MCU: variants seen among roughly 807,000 people sequenced by gnomAD.
The protein encoded by MCU is calcium uniporter protein, mitochondrial.
Under a neutral mutation model 45.2 loss-of-function variants are expected in MCU, and 12 were observed. The observed-to-expected ratio is 0.27, with a 90% confidence interval of 0.17 to 0.43. The LOEUF (loss-of-function observed/expected upper bound fraction) is 0.43. Among genes scored for constraint, MCU ranks in the 20% least tolerant of loss-of-function variants. MCU has a pLI of 1.00. For missense variants in MCU, 324 were observed against 436.7 expected (o/e 0.74, Z 2.30); for synonymous variants, 160 against 165.1 (o/e 0.97, Z 0.24).
At chr10:72,749,912 G>A (rs575457680) in intron 1 of MCU, among the ~76,000 whole-genome samples, 10 of 151,524 alleles carry the variant, frequency 6.6e-5, no homozygotes, top group East Asian at 1.9e-4. Flanking sequence ...GACTACAGGC[G>A]TGTGCTACCA....
chr10:72,872,160 C>T (rs1845551561), intron 6 of MCU, among the ~76,000 whole-genome samples: 1 of 152,008 alleles, frequency 6.6e-6, no homozygotes, highest in Non-Finnish European at 1.5e-5. Context: ...AATAATTGTA[C>T]ATATTTTGAG....
chr10:72,804,017 AATAT>A (rs35518652), intron 1 of MCU, among the ~76,000 whole-genome samples: 217 of 34,678 alleles, frequency 6.3e-3, no homozygotes, highest in Non-Finnish European at 9.1e-3. Context: ...AATGTAAGTA[AATAT>A]ATATATATAT....
Position 72,859,158 on chromosome 10 carries a change from G to T in MCU, c.221-19G>T. 2 of 1,553,394 alleles carry T rather than the reference G, an allele frequency of 1.3e-6. No homozygotes were observed. The highest frequency in any genetic ancestry group is 1.7e-6 in the Non-Finnish European group (2 of 1,148,674). On this transcript the variant is annotated intron_variant, in intron 2 of 7. Coordinates refer to ENST00000373053, the MANE Select transcript of MCU (RefSeq NM_138357.3). The stretch of plus-strand genomic sequence containing the variant: ...ATTGAAATCCAATTATCATATGTTT[G>T]TGGGTCTTTTTCATTCAGATGTTAC...
intron 4 of MCU, 152 bp from the exon 5 acceptor site, chr10:72,868,551 C>CAA (rs77707370): frequency 6.1e-3 from 2,963 of 485,876 alleles, no homozygotes; most frequent in Non-Finnish European, 6.5e-3. Context: ...GACTTTGTCT[C>CAA]AAAAAAAAAA....
At chr10:72,729,791 C>T (rs113706194) in intron 1 of MCU, among the ~76,000 whole-genome samples, 2,861 of 152,170 alleles carry the variant, frequency 0.019, 83 homozygotes, top group African/African-American at 0.065. Flanking sequence ...GAGGCTCTCT[C>T]GTGCATTGTA....
At chr10:72,881,076 G>A (rs936441812) in intron 6 of MCU, among the ~76,000 whole-genome samples, 6 of 152,104 alleles carry the variant, frequency 3.9e-5, no homozygotes, top group Admixed American at 2.6e-4. Context: ...GCTGCATTGA[G>A]CTATGGTCAC....
chr10:72,783,193 A>G (rs1411930255), intron 1 of MCU, among the ~76,000 whole-genome samples: 2 of 152,190 alleles, frequency 1.3e-5, no homozygotes, highest in Non-Finnish European at 2.9e-5. Context: ...AGACTTTTCA[A>G]ATTAGATTTT....
chr10:72,871,680 G>C (rs1845545189), intron 6 of MCU, 100 bp downstream of exon 6: 1 of 972,016 alleles, frequency 1.0e-6, no homozygotes, highest in Admixed American at 2.0e-5. Flanking sequence ...TTTTCTTTAA[G>C]TACTCATCCT....
chr10:72,701,020 T>A (rs535538549), intron 1 of MCU, among the ~76,000 whole-genome samples: 18 of 152,322 alleles, frequency 1.2e-4, no homozygotes, highest in Non-Finnish European at 2.4e-4. Flanking sequence ...TCATTTAAAC[T>A]TCTTTTTTGT....
intron 1 of MCU, among the ~76,000 whole-genome samples, chr10:72,772,708 A>G (rs986830271): frequency 1.3e-5 from 2 of 152,198 alleles, no homozygotes; most frequent in African/African-American, 4.8e-5. Flanking sequence ...TCAAAACAAA[A>G]CAAAATCAAA....
chr10:72,868,895 A>G (rs1845499034), intron 5 of MCU, 32 bp downstream of exon 5: 1 of 1,603,896 alleles, frequency 6.2e-7, no homozygotes, highest in Non-Finnish European at 8.5e-7. Context: ...TTTTTACCTT[A>G]ACCTGTATTT....
At chr10:72,712,656 A>G (rs1479076692) in intron 1 of MCU, among the ~76,000 whole-genome samples, 1 of 152,230 alleles carries the variant, frequency 6.6e-6, no homozygotes, top group Non-Finnish European at 1.5e-5. Flanking sequence ...AGTAAGGTCT[A>G]GAAATGAGGG....
intron 6 of MCU, among the ~76,000 whole-genome samples, chr10:72,882,565 C>T (rs575780075): frequency 4.4e-4 from 67 of 152,274 alleles, no homozygotes; most frequent in African/African-American, 1.3e-3. Context: ...TCTCCCATAG[C>T]GCTCCCAGGC....
intron 1 of MCU, among the ~76,000 whole-genome samples, chr10:72,704,704 ATTTTTTTT>A (rs1162093579): frequency 1.4e-4 from 15 of 106,748 alleles, no homozygotes; most frequent in African/African-American, 3.1e-4. Context: ...TGCCTGGATA[ATTTTTTTT>A]TTTTTTTTTT....
intron 1 of MCU, 133 bp downstream of exon 1, chr10:72,692,434 G>A: frequency 1.1e-6 from 1 of 896,268 alleles, no homozygotes; most frequent in Non-Finnish European, 1.4e-6. Context: ...GCCGGGCACC[G>A]AGGAGCCGCC....
At chr10:72,834,240 T>C in intron 1 of MCU, 119 bp from the exon 2 acceptor site, 1 of 585,828 alleles carries the variant, frequency 1.7e-6, no homozygotes. Context: ...TTTTTAAAGT[T>C]TTCTACAAAG....
At chr10:72,858,220 A>T (rs1252669980) in intron 2 of MCU, among the ~76,000 whole-genome samples, 1 of 152,186 alleles carries the variant, frequency 6.6e-6, no homozygotes, top group Non-Finnish European at 1.5e-5. Flanking sequence ...GGCCATGCAT[A>T]TTTATGAAAG....
intron 6 of MCU, among the ~76,000 whole-genome samples, chr10:72,879,442 A>G (rs527706233): frequency 5.3e-5 from 8 of 152,330 alleles, no homozygotes; most frequent in Non-Finnish European, 7.3e-5. Flanking sequence ...GCCAAAGACA[A>G]TGGAATAGTA....
chr10:72,760,681 C>T (rs957571008), intron 1 of MCU: 39 of 154,258 alleles, frequency 2.5e-4, no homozygotes, highest in Non-Finnish European at 5.0e-4. Context: ...AGGTGTGTGC[C>T]GCCATGTCTG....
Sources: gnomAD v4.1 joint callset for allele counts (sites outside exome capture counted in the v4.1 genomes callset) on GRCh38, gnomAD v4.1.1 for gene constraint, MANE v1.5 for transcripts, NCBI Gene and HGNC (gene_info 2026-07-23, HGNC 2026-07-21) for gene names.